Variants in CMAS observed in about 807,000 individuals in gnomAD.
CMAS encodes cytidine monophosphate N-acetylneuraminic acid synthetase.
Under a neutral mutation model 53.4 loss-of-function variants are expected in CMAS, and 21 were observed. The observed-to-expected ratio is 0.39, with a 90% CI of 0.28 to 0.57. The LOEUF (loss-of-function observed/expected upper bound fraction) is 0.57. CMAS is among the 20% of genes least tolerant of loss of function. The pLI, the probability that CMAS is intolerant of heterozygous loss-of-function variation, is 0.56. For missense variants in CMAS, 384 were observed against 534.9 expected (o/e 0.72, Z 2.78); for synonymous variants, 189 against 195.2 (o/e 0.97, Z 0.27).
chr12:22,065,401 T>C lies in CMAS; in HGVS notation c.*90T>C, dbSNP rs561316602. On this transcript the variant is annotated 3_prime_UTR_variant, in exon 8 of 8. Coordinates refer to ENST00000229329, the MANE Select transcript of CMAS (RefSeq NM_018686.6). ...ATTAAGTAAATTCCATGTTGTAATG[T>C]TACAGAGAGTGTGATTTGGTTTGTG... is the stretch of plus-strand genomic sequence containing the variant. 1.0e-6 allele frequency: 1 copy of C among 964,126 alleles called. No homozygotes were observed. Among genetic ancestry groups the C allele is most frequent in the Non-Finnish European group, 1.6e-6 (1 of 636,330 alleles). The allele number at this position is 964,126 out of a possible 1,614,324, so 59.7% of individuals were successfully genotyped here. A position where few individuals can be genotyped will look rare whatever the true frequency, so the allele number is the denominator to read the frequency against.
At position 22,046,464 on chromosome 12, in the gene CMAS, G is replaced by T; in HGVS notation, c.161G>T (p.Gly54Val). 6.2e-7 allele frequency: 1 copy of T among 1,610,290 alleles called. No individual in the cohort carries two copies. ...HLAALILARG[G>V]SKGIPLKNIK... is the part of the protein sequence containing the mutation. The stretch of plus-strand genomic sequence containing the variant: ...GCAGCCCTAATTCTGGCCCGGGGAG[G>T]CAGCAAAGGCATCCCCCTGAAGAAC... Residue 54 changes from glycine to valine, a missense_variant, in exon 1 of 8, where the codon GGC (glycine) becomes GTC (valine). Physicochemically the swap from Gly to Val is moderately radical, Grantham distance 109 (BLOSUM62 -3). Transcript: ENST00000229329.
At chr12:22,064,635 T>C (rs923947492) in intron 7 of CMAS, among the ~76,000 whole-genome samples, 4 of 152,132 alleles carry the variant, frequency 2.6e-5, no homozygotes, top group Admixed American at 1.3e-4. Flanking sequence ...CAGAGATAAA[T>C]ATTGAAGAGT....
At chr12:22,060,777 G>A in intron 4 of CMAS, 55 bp from the exon 5 acceptor site, 1 of 972,140 alleles carries the variant, frequency 1.0e-6, no homozygotes, top group South Asian at 1.3e-5. Context: ...ATAAAGTTTT[G>A]ATATATGTGA....
rs147844459 is a variant in CMAS, at chr12:22,061,133, T to A, written c.789-148T>A. Reference sequence around the variant, plus strand: ...CACACTACTTTTACTTACTGTACTATATGTTAAAATATATATGTGAAGTAA... The same window carrying A: ...CACACTACTTTTACTTACTGTACTAAATGTTAAAATATATATGTGAAGTAA... On this transcript the variant is annotated intron_variant, in intron 5 of 7. Transcript: ENST00000229329. 8.7e-4 allele frequency: 601 copies of A among 688,016 alleles called. 7 individuals are homozygous for A. The African/African-American group carries it at 9.1e-3, about 10-fold the overall frequency. 42.6% of individuals were successfully genotyped at this position (688,016 alleles called of 1,614,324 possible).
At chr12:22,064,422 G>C (rs1475569700) in intron 7 of CMAS, among the ~76,000 whole-genome samples, 1 of 152,000 alleles carries the variant, frequency 6.6e-6, no homozygotes, top group Admixed American at 6.5e-5. Context: ...GATTAAAAGA[G>C]ATTTAAGAGA....
intron 1 of CMAS, among the ~76,000 whole-genome samples, chr12:22,047,108 C>T (rs780318033): frequency 3.2e-4 from 49 of 152,154 alleles, no homozygotes; most frequent in Non-Finnish European, 6.2e-4. Flanking sequence ...AGCTATCTTC[C>T]TGTGAGTCAG....
Position 22,046,920 on chromosome 12 carries a change from T to C in CMAS, c.260+357T>C, listed in dbSNP as rs1271016767. Among the ~76,000 whole-genome samples, 3 of 152,192 alleles carry C rather than the reference T, an allele frequency of 2.0e-5. No homozygotes were observed. The East Asian group carries it at 5.8e-4, about 29-fold the overall frequency. ...CCCCGGTGCAACATCTGTGATAATA[T>C]GTGAACTTCTTTGGATGGGGGCCAT... On this transcript the variant is annotated intron_variant, in intron 1 of 7. Transcript: ENST00000229329.
Position 22,065,424 on chromosome 12 carries a change from G to C in CMAS, c.*113G>C, listed in dbSNP as rs528332780. The C allele has an allele frequency of 2.6e-6, 2 of 767,068 alleles. No homozygotes were observed. Among genetic ancestry groups the C allele is most frequent in the Non-Finnish European group, 4.2e-6 (2 of 476,244 alleles). The allele number at this position is 767,068 out of a possible 1,614,324, so 47.5% of individuals were successfully genotyped here. A position where few individuals can be genotyped will look rare whatever the true frequency, so the allele number is the denominator to read the frequency against. Reference sequence around the variant, plus strand: ...TGTTACAGAGAGTGTGATTTGGTTTGTGATATATATATATTGTGCTCTACT... The same window carrying C: ...TGTTACAGAGAGTGTGATTTGGTTTCTGATATATATATATTGTGCTCTACT... On this transcript the variant is annotated 3_prime_UTR_variant, in exon 8 of 8. Coordinates refer to ENST00000229329, the MANE Select transcript of CMAS (RefSeq NM_018686.6).
At chr12:22,046,782 C>T (rs1249538800) in intron 1 of CMAS, among the ~76,000 whole-genome samples, 2 of 152,228 alleles carry the variant, frequency 1.3e-5, no homozygotes, top group Admixed American at 1.3e-4. Flanking sequence ...TGGTCATAAC[C>T]TGGGACAGTT....
At chr12:22,060,360 A>AAAAAAAAAAAAG (rs1950300664) in intron 4 of CMAS, among the ~76,000 whole-genome samples, 2 of 121,810 alleles carry the variant, frequency 1.6e-5, no homozygotes, top group Non-Finnish European at 3.6e-5. Flanking sequence ...AAAAAAAAAA[A>AAAAAAAAAAAAG]GCTGGGCGTG....
intron 3 of CMAS, 38 bp from the exon 4 acceptor site, chr12:22,058,529 C>G (rs763099672): frequency 3.2e-6 from 5 of 1,573,632 alleles, no homozygotes; most frequent in Non-Finnish European, 3.4e-6. Flanking sequence ...TTTCTATATT[C>G]AGGGCAACGT....
At chr12:22,060,749 T>G (rs1440075527) in intron 4 of CMAS, 83 bp from the exon 5 acceptor site, 1 of 778,278 alleles carries the variant, frequency 1.3e-6, no homozygotes, top group Non-Finnish European at 2.3e-6. Context: ...AGAAATGAAT[T>G]CATTGTTCTG....
intron 5 of CMAS, 49 bp from the exon 6 acceptor site, chr12:22,061,232 G>GTGAT (rs752626721): frequency 2.4e-6 from 3 of 1,261,716 alleles, no homozygotes; most frequent in East Asian, 2.3e-5. Context: ...ATGAGAGGGA[G>GTGAT]TGATTAGTAC....
chr12:22,058,176 C>T (rs937835229), intron 3 of CMAS, among the ~76,000 whole-genome samples: 6 of 151,124 alleles, frequency 4.0e-5, no homozygotes, highest in Admixed American at 1.3e-4. Context: ...CCTGTAATTC[C>T]AGCACTTTGG....
intron 1 of CMAS, among the ~76,000 whole-genome samples, chr12:22,047,181 G>A (rs1364032916): frequency 6.6e-6 from 1 of 152,144 alleles, no homozygotes; most frequent in Non-Finnish European, 1.5e-5. Context: ...GTGTACAACT[G>A]ACTGTTTTAT....
intron 4 of CMAS, among the ~76,000 whole-genome samples, chr12:22,060,222 T>G (rs893479547): frequency 1.3e-5 from 2 of 151,554 alleles, no homozygotes; most frequent in African/African-American, 4.8e-5. Flanking sequence ...GGATGTAATA[T>G]TTCTGCTTTT....
At chr12:22,059,755 T>G (rs1220026997) in intron 4 of CMAS, among the ~76,000 whole-genome samples, 1 of 152,188 alleles carries the variant, frequency 6.6e-6, no homozygotes. Context: ...TTTAAGCTTT[T>G]TTCTAAGGAG....
chr12:22,056,508 C>T (rs951484924), intron 3 of CMAS, among the ~76,000 whole-genome samples: 1 of 152,164 alleles, frequency 6.6e-6, no homozygotes, highest in East Asian at 1.9e-4. Context: ...CATCTCACCT[C>T]TTAGTATAGG....
chr12:22,063,350 T>C (rs548714702), intron 7 of CMAS, among the ~76,000 whole-genome samples: 2 of 152,270 alleles, frequency 1.3e-5, no homozygotes, highest in East Asian at 3.9e-4. Context: ...TGCTGCAGAA[T>C]GTTTGTTAAA....
Sources: allele counts gnomAD v4.1 joint callset (sites outside exome capture counted in the v4.1 genomes callset), GRCh38; gene constraint gnomAD v4.1.1; transcripts MANE v1.5; gene names NCBI Gene and HGNC (gene_info 2026-07-23, HGNC 2026-07-21).